The following ATE1 variants were observed in gnomAD, a reference collection of about 807,000 sequenced individuals.
The protein encoded by ATE1 is arginyl-tRNA--protein transferase 1.
In ATE1, 36 loss-of-function variants were observed where a neutral mutation model predicts 70.5. The ratio of observed to expected loss-of-function variants is 0.51; its 90% CI spans 0.39 to 0.67. The LOEUF (loss-of-function observed/expected upper bound fraction) is 0.67, where lower values mean the gene tolerates loss of function less well. ATE1 is among the 30% of genes least tolerant of loss of function. ATE1 has a pLI of 0.00. For synonymous variants in ATE1, 232 were observed against 219.3 expected (o/e 1.06, Z -0.51); for missense variants, 593 against 629.5 (o/e 0.94, Z 0.62).
intron 7 of ATE1, among the ~76,000 whole-genome samples, chr10:121,879,425 T>C (rs1428910921): frequency 1.3e-5 from 2 of 152,180 alleles, no homozygotes; most frequent in African/African-American, 4.8e-5. Context: ...CTATATTGCA[T>C]ACTTATTATT....
intron 11 of ATE1, among the ~76,000 whole-genome samples, chr10:121,762,951 G>A (rs74783855): frequency 0.032 from 4,903 of 152,080 alleles, 99 homozygotes; most frequent in Middle Eastern, 0.088. Context: ...ACATTAGTTC[G>A]CTTAAAGTCA....
intron 7 of ATE1, among the ~76,000 whole-genome samples, chr10:121,875,100 C>T (rs12254788): frequency 7.0e-6 from 1 of 142,288 alleles, no homozygotes; most frequent in Non-Finnish European, 1.5e-5. Flanking sequence ...GACCGCACCA[C>T]TGCACTCCAG....
intron 7 of ATE1, among the ~76,000 whole-genome samples, chr10:121,877,733 G>A (rs1950099576): frequency 1.3e-5 from 2 of 152,084 alleles, no homozygotes; most frequent in Admixed American, 1.3e-4. Flanking sequence ...TCACCAGAAA[G>A]GCTAAAACTA....
At position 121,805,375 on chromosome 10, in the gene ATE1, T is replaced by C. The variant is rs78666642; in HGVS notation, c.1258-15086A>G. ...TGAAGCAACAATAAGCTAGTATTTA[T>C]TGAGTAGTTACTATAAGCTGAGCAC... On this transcript the variant is annotated intron_variant, in intron 10 of 11. Transcript: ENST00000224652. Among the ~76,000 whole-genome samples the C allele has an allele frequency of 3.7e-3, 565 of 152,332 alleles. 2 individuals are homozygous for C. The highest frequency in any genetic ancestry group is 0.014 in the Middle Eastern group (4 of 294).
chr10:121,786,968 G>C (rs1330690424), intron 11 of ATE1, among the ~76,000 whole-genome samples: 1 of 152,128 alleles, frequency 6.6e-6, no homozygotes, highest in Admixed American at 6.5e-5. Context: ...CCCTTTCTTT[G>C]AAGTAGGCAG....
intron 11 of ATE1, among the ~76,000 whole-genome samples, chr10:121,744,742 C>T (rs1476945043): frequency 1.3e-5 from 2 of 152,130 alleles, no homozygotes; most frequent in East Asian, 1.9e-4. Flanking sequence ...AAACCAGCCC[C>T]GGTTTTCTTC....
chr10:121,880,544 C>T (rs551786248), intron 7 of ATE1, among the ~76,000 whole-genome samples: 2 of 150,562 alleles, frequency 1.3e-5, no homozygotes, highest in South Asian at 4.2e-4. Context: ...ATAAATGTCA[C>T]ATAAAAGCCC....
intron 7 of ATE1, among the ~76,000 whole-genome samples, chr10:121,897,070 T>A (rs1950809533): frequency 6.6e-6 from 1 of 152,090 alleles, no homozygotes; most frequent in Non-Finnish European, 1.5e-5. Context: ...GAAAAACCTC[T>A]CTAACCTCCA....
Position 121,914,802 on chromosome 10 carries a change from C to T in ATE1, c.234-909G>A, listed in dbSNP as rs143788110. 7.7e-3 allele frequency among the ~76,000 whole-genome samples: 1,172 copies of T among 152,254 alleles called. 26 individuals are homozygous for T. Among genetic ancestry groups the T allele is most frequent in the African/African-American group, 0.027 (1,110 of 41,562 alleles). ...CTGAAAGCAGCGGTACTACTGAAAACGGCTTAAATAAAAGTGTACACAGTA... is the reference window on the plus strand; with the variant it reads ...CTGAAAGCAGCGGTACTACTGAAAATGGCTTAAATAAAAGTGTACACAGTA... On this transcript the variant is annotated intron_variant, in intron 3 of 11. Coordinates refer to ENST00000224652, the MANE Select transcript of ATE1 (RefSeq NM_001001976.3).
chr10:121,928,346 C>G (rs1399552645), upstream of ATE1: 8 of 1,529,000 alleles, frequency 5.2e-6, no homozygotes, highest in South Asian at 6.1e-5. Context: ...GGAACACTCA[C>G]CGCAGGACGC....
chr10:121,875,494 G>A (rs1165499755), intron 7 of ATE1, among the ~76,000 whole-genome samples: 3 of 151,758 alleles, frequency 2.0e-5, no homozygotes, highest in Admixed American at 1.3e-4. Context: ...TAGTAGAGAC[G>A]GGGTTTCACC....
intron 11 of ATE1, among the ~76,000 whole-genome samples, chr10:121,770,927 TAAAG>T (rs1945490233): frequency 6.6e-6 from 1 of 151,684 alleles, no homozygotes; most frequent in African/African-American, 2.4e-5. Context: ...AAATTCTAAA[TAAAG>T]AAACATTTCA....
At chr10:121,810,824 T>C (rs550957758) in intron 10 of ATE1, among the ~76,000 whole-genome samples, 1 of 152,164 alleles carries the variant, frequency 6.6e-6, no homozygotes, top group South Asian at 2.1e-4. Flanking sequence ...TGTCTCGGCC[T>C]CCTGAGCAGC....
intron 4 of ATE1, among the ~76,000 whole-genome samples, 192 bp downstream of exon 4, chr10:121,913,598 T>C (rs898602445): frequency 2.1e-5 from 3 of 142,092 alleles, no homozygotes; most frequent in Non-Finnish European, 4.7e-5. Flanking sequence ...GCTAAACTCT[T>C]CTGATATATA....
intron 11 of ATE1, among the ~76,000 whole-genome samples, chr10:121,776,681 G>A (rs909988037): frequency 2.0e-5 from 3 of 152,240 alleles, no homozygotes; most frequent in African/African-American, 4.8e-5. Flanking sequence ...TGTACCACAC[G>A]AGTGAGGGTG....
chr10:121,893,797 G>A lies in ATE1; in HGVS notation c.942+6069C>T, dbSNP rs371735960. ...TAAAATGTTACACTAGAAAATATTC[G>A]TTTAATACACTAGAAAATATTTAAT... On this transcript the variant is annotated intron_variant, in intron 7 of 11. Transcript: ENST00000224652. 2.3e-3 allele frequency among the ~76,000 whole-genome samples: 350 copies of A among 151,342 alleles called. 1 individual carries two copies. Among genetic ancestry groups the A allele is most frequent in the African/African-American group, 8.1e-3 (334 of 41,434 alleles).
chr10:121,858,371 A>T (rs10887000), intron 8 of ATE1, among the ~76,000 whole-genome samples: 136,961 of 151,944 alleles, frequency 0.9, 61,871 homozygotes, highest in Middle Eastern at 0.96. Context: ...ATAACCCACC[A>T]AATAGGTATG....
intron 8 of ATE1, among the ~76,000 whole-genome samples, chr10:121,845,800 T>C (rs1016124834): frequency 3.9e-5 from 6 of 152,126 alleles, no homozygotes; most frequent in Admixed American, 2.6e-4. Flanking sequence ...TGGATTAGAG[T>C]TGGAAACACT....
intron 11 of ATE1, among the ~76,000 whole-genome samples, chr10:121,751,408 C>T (rs551584981): frequency 3.3e-5 from 5 of 152,276 alleles, no homozygotes; most frequent in African/African-American, 4.8e-5. Flanking sequence ...CCCAAGTGGC[C>T]GCCTCATTTG....
Sources: allele counts gnomAD v4.1 joint callset (sites outside exome capture counted in the v4.1 genomes callset), GRCh38; gene constraint gnomAD v4.1.1; transcripts MANE v1.5; gene names NCBI Gene and HGNC (gene_info 2026-07-23, HGNC 2026-07-21).